Variants in BBC3 observed in about 807,000 individuals in gnomAD.
BBC3 encodes the protein BCL2 binding component 3.
Under a neutral mutation model 18.2 loss-of-function variants are expected in BBC3, and 5 were observed. The observed-to-expected ratio is 0.27, with a 90% CI of 0.14 to 0.58. The LOEUF (loss-of-function observed/expected upper bound fraction) is 0.58. Ranked by LOEUF, BBC3 falls within the 20% of genes least tolerant of loss-of-function variation. The probability of loss-of-function intolerance (pLI) is 0.91; values close to 1 mark genes in which losing one functional copy is unlikely to be tolerated. For missense variants in BBC3, 224 were observed against 268.9 expected (o/e 0.83, Z 1.17); for synonymous variants, 119 against 128.0 (o/e 0.93, Z 0.47).
rs1223535706 is a variant in BBC3 at position 47,221,907 on chromosome 19, C to T, written c.477G>A (p.Glu159=). ...NAQYERRRQE[E]QQRHRPSPWR... is the part of the protein sequence containing the mutation. ...AGGGTGAGGGGCGGTGCCGCTGCTG[C>T]TCCTCTTGTCTCTGGGGAAAAGAGA... Residue 159 remains glutamate (E), a synonymous_variant, in exon 4 of 4, where the codon GAG becomes GAA. Coordinates refer to ENST00000439096, the MANE Select transcript of BBC3 (RefSeq NM_014417.5). The T allele has an allele frequency of 1.2e-6, 2 of 1,603,152 alleles. No individual in the cohort carries two copies. Among genetic ancestry groups the T allele is most frequent in the Non-Finnish European group, 8.5e-7 (1 of 1,175,478 alleles).
chr19:47,221,600 C>G lies in BBC3; in HGVS notation c.*202G>C. The stretch of plus-strand genomic sequence containing the variant: ...CTCTCCTGGCTTCTTGGCCAGGGAC[C>G]CAGGAGTCCGCATCTCCGTCAGTGC... On this transcript the variant is annotated 3_prime_UTR_variant, in exon 4 of 4. Coordinates refer to ENST00000439096, the MANE Select transcript of BBC3 (RefSeq NM_014417.5). 9.0e-7 allele frequency: 1 copy of G among 1,110,470 alleles called. No homozygotes were observed. Among genetic ancestry groups the G allele is most frequent in the Non-Finnish European group, 1.3e-6 (1 of 792,376 alleles). The allele number at this position is 1,110,470 out of a possible 1,614,324, so 68.8% of individuals were successfully genotyped here.
At chr19:47,232,429 CAT>C (rs1195144216), upstream of BBC3, 46 of 1,170,250 alleles carry the variant, frequency 3.9e-5, no homozygotes, top group Admixed American at 2.1e-4. Flanking sequence ...ACCACCCACA[CAT>C]GTCACAAAGT....
At position 47,221,426 on chromosome 19, in the gene BBC3, G is replaced by GCCCCCCCCCCCCCCCCCCCCCC; in HGVS notation, c.*375_*376insGGGGGGGGGGGGGGGGGGGGGG. ...AGAGTGAAGGAGCACCGAGAGGAGA[G>GCCCCCCCCCCCCCCCCCCCCCC]CCCCCCCCTCCCAGTGTCACCCCTG... is the stretch of plus-strand genomic sequence containing the variant. On this transcript the variant is annotated 3_prime_UTR_variant, in exon 4 of 4. Coordinates refer to ENST00000439096, the MANE Select transcript of BBC3 (RefSeq NM_014417.5). The GCCCCCCCCCCCCCCCCCCCCCC allele has an allele frequency of 1.2e-5, 2 of 167,318 alleles. 1 individual carries two copies. 10.4% of individuals were successfully genotyped at this position (167,318 alleles called of 1,614,324 possible).
chr19:47,231,445 G>C (rs2058914799), upstream of BBC3, among the ~76,000 whole-genome samples: 1 of 152,108 alleles, frequency 6.6e-6, no homozygotes, highest in African/African-American at 2.4e-5. This position sits in a 1 kb window ranked among gnomAD's most constrained non-coding sequence, Gnocchi z 4.0. Context: ...TGTGCGGCGG[G>C]GTGTGGGGAG....
At chr19:47,226,192 G>C (rs572414579) in intron 3 of BBC3, among the ~76,000 whole-genome samples, 298 of 151,712 alleles carry the variant, frequency 2.0e-3, no homozygotes, top group African/African-American at 6.9e-3. Context: ...AGGGACGGCA[G>C]GGGGCGGGCG....
At chr19:47,232,590 T>C (rs1465112093), upstream of BBC3, 9 of 1,535,542 alleles carry the variant, frequency 5.9e-6, no homozygotes, top group Non-Finnish European at 7.9e-6. Flanking sequence ...GCAGACCCCA[T>C]GCCAAATTTC....
chr19:47,223,398 C>T (rs189290574), intron 3 of BBC3, among the ~76,000 whole-genome samples: 197 of 152,208 alleles, frequency 1.3e-3, no homozygotes, highest in Non-Finnish European at 2.3e-3. Context: ...GAAACCCCGT[C>T]TCTACTAAAA....
In BBC3 at chr19:47,226,456, G is replaced by T. The variant is rs1235356546; in HGVS notation, c.465+108C>A. On this transcript the variant is annotated intron_variant, in intron 3 of 3. Transcript: ENST00000439096. The stretch of plus-strand genomic sequence containing the variant: ...CCCCCCACCTGCCTGTCCGCGGAGC[G>T]ACCCAGCCGCGCAGGGCAGCAGCTG... 3.9e-6 allele frequency: 4 copies of T among 1,026,510 alleles called. No individual in the cohort carries two copies. In the East Asian group the frequency reaches 1.3e-4, roughly 34 times the overall value. 63.6% of individuals were successfully genotyped at this position (1,026,510 alleles called of 1,614,324 possible). A position where few individuals can be genotyped will look rare whatever the true frequency, so the allele number is the denominator to read the frequency against.
Position 47,221,725 on chromosome 19 carries a change from C to A in BBC3, c.*77G>T, listed in dbSNP as rs779328577. 1.3e-6 allele frequency: 2 copies of A among 1,598,044 alleles called. No homozygotes were observed. Among genetic ancestry groups the A allele is most frequent in the East Asian group, 2.3e-5 (1 of 44,434 alleles). ...GCTACATGGTGCAGAGAAAGTCCCC[C>A]GCGCTGGCCAGGGTGTCAGGAGGTG... On this transcript the variant is annotated 3_prime_UTR_variant, in exon 4 of 4. Transcript: ENST00000439096.
chr19:47,227,812 G>C (rs1418726729), intron 2 of BBC3, among the ~76,000 whole-genome samples: 1 of 152,086 alleles, frequency 6.6e-6, no homozygotes, highest in Non-Finnish European at 1.5e-5. Context: ...CCTCCCGCTC[G>C]GCCCACTCTC....
chr19:47,226,788 C>G, intron 2 of BBC3, 34 bp from the exon 3 acceptor site: 1 of 1,369,998 alleles, frequency 7.3e-7, no homozygotes, highest in Non-Finnish European at 9.4e-7. Context: ...TCAGCACCCA[C>G]CACCCCTCCA....
Position 47,221,365 on chromosome 19 carries a change from G to A in BBC3, c.*437C>T, listed in dbSNP as rs1271630369. The A allele has an allele frequency of 4.0e-6, 1 of 252,962 alleles. No individual in the cohort carries two copies. Among genetic ancestry groups the A allele is most frequent in the Non-Finnish European group, 7.5e-6 (1 of 132,654 alleles). The allele number at this position is 252,962 out of a possible 1,614,324, so 15.7% of individuals were successfully genotyped here. ...CTCTTCACGGGCCCCCTCCCAGGAG[G>A]AGGGGGGGAAGCACCAGGGGCCTGA... On this transcript the variant is annotated 3_prime_UTR_variant, in exon 4 of 4. Coordinates refer to ENST00000439096, the MANE Select transcript of BBC3 (RefSeq NM_014417.5).
chr19:47,225,268 A>G (rs956015120), intron 3 of BBC3, among the ~76,000 whole-genome samples: 1 of 151,514 alleles, frequency 6.6e-6, no homozygotes, highest in Non-Finnish European at 1.5e-5. Context: ...GACTGGTCTC[A>G]AACTCCCAAC....
intron 3 of BBC3, chr19:47,222,311 T>G: frequency 6.0e-6 from 1 of 165,858 alleles, no homozygotes; most frequent in Non-Finnish European, 1.3e-5. Context: ...TTGGCAGTTC[T>G]AGAACAATCT....
chr19:47,223,127 C>T (rs542645337), intron 3 of BBC3, among the ~76,000 whole-genome samples: 3 of 150,882 alleles, frequency 2.0e-5, no homozygotes, highest in South Asian at 2.1e-4. Context: ...AAAAATTAGC[C>T]GGGTGTGGTG....
In BBC3 at chr19:47,230,802, G is replaced by A. The variant is rs980830966; in HGVS notation, c.-16+127C>T. 23 of 985,186 alleles carry A rather than the reference G, an allele frequency of 2.3e-5. No individual in the cohort carries two copies. Among genetic ancestry groups the A allele is most frequent in the Middle Eastern group, 1.0e-3 (2 of 1,934 alleles). 61.0% of individuals were successfully genotyped at this position (985,186 alleles called of 1,614,324 possible). On this transcript the variant is annotated intron_variant, in intron 1 of 3. Coordinates refer to ENST00000439096, the MANE Select transcript of BBC3 (RefSeq NM_014417.5). This position sits in a 1 kb window ranked among gnomAD's most constrained non-coding sequence, Gnocchi z 6.7. ...GGCCCAGGGTCCCTCGCGGGGTTTG[G>A]AGAGGCGCGGTGTGGGGAGGCAGGG...
chr19:47,229,053 C>T lies in BBC3; in HGVS notation c.-15-607G>A, dbSNP rs187992245. On this transcript the variant is annotated intron_variant, in intron 1 of 3. Coordinates refer to ENST00000439096, the MANE Select transcript of BBC3 (RefSeq NM_014417.5). ...CAGACAGACCATCACAAGCACTCTA[C>T]ATACTGCGCACACTGGCTGGCACAA... is the stretch of plus-strand genomic sequence containing the variant. 3.0e-4 allele frequency among the ~76,000 whole-genome samples: 46 copies of T among 152,210 alleles called. 1 individual carries two copies. Among genetic ancestry groups the T allele is most frequent in the African/African-American group, 1.1e-3 (44 of 41,500 alleles).
In BBC3 at chr19:47,228,609, C is replaced by T. The variant is rs2058870083; in HGVS notation, c.-15-163G>A. Among the ~76,000 whole-genome samples the T allele has an allele frequency of 6.6e-6, 1 of 152,008 alleles. No homozygotes were observed. Among genetic ancestry groups the T allele is most frequent in the African/African-American group, 2.4e-5 (1 of 41,362 alleles). ...GACACGCCCAGCCGGGGGATGACAC[C>T]ACCGGGTCCTGGCTGGCCTGGAGAG... On this transcript the variant is annotated intron_variant, in intron 1 of 3. Coordinates refer to ENST00000439096, the MANE Select transcript of BBC3 (RefSeq NM_014417.5). The surrounding 1 kb of genome is among the most constrained non-coding windows in gnomAD (Gnocchi z 5.5).
rs1600254962 is a variant in BBC3 at position 47,231,179 on chromosome 19, A to T, written c.-266T>A. 1.0e-6 allele frequency: 1 copy of T among 983,792 alleles called. No individual in the cohort carries two copies. The highest frequency in any genetic ancestry group is 1.2e-6 in the Non-Finnish European group (1 of 829,334). The allele number at this position is 983,792 out of a possible 1,614,324, so 60.9% of individuals were successfully genotyped here. ...CCGCCGCCGCCAGGCGCCCGCTCGCATGTGGCTCGCGCCGCGTCTCAGGCC... is the reference window on the plus strand; with the variant it reads ...CCGCCGCCGCCAGGCGCCCGCTCGCTTGTGGCTCGCGCCGCGTCTCAGGCC... On this transcript the variant is annotated 5_prime_UTR_variant, in exon 1 of 4. It removes an upstream start codon present in the reference 5' UTR. Coordinates refer to ENST00000439096, the MANE Select transcript of BBC3 (RefSeq NM_014417.5). This position sits in a 1 kb window ranked among gnomAD's most constrained non-coding sequence, Gnocchi z 4.0.
Sources: allele counts gnomAD v4.1 joint callset (sites outside exome capture counted in the v4.1 genomes callset), GRCh38; gene constraint gnomAD v4.1.1; non-coding constraint Gnocchi (gnomAD v3.1); transcripts MANE v1.5; gene names NCBI Gene and HGNC (gene_info 2026-07-23, HGNC 2026-07-21).